CNTN3: variants seen among roughly 807,000 people sequenced by gnomAD.
CNTN3 encodes contactin 3.
Under a neutral mutation model 119.1 loss-of-function variants are expected in CNTN3, and 60 were observed. That is an observed-to-expected ratio of 0.50 (90% CI 0.41 to 0.62). The LOEUF is 0.62. CNTN3 is among the 20% of genes least tolerant of loss of function. The probability of loss-of-function intolerance (pLI) is 0.00; values close to 1 mark genes in which losing one functional copy is unlikely to be tolerated. For missense variants in CNTN3, 1,101 were observed against 1,242.4 expected (o/e 0.89, Z 1.71); for synonymous variants, 450 against 438.7 (o/e 1.03, Z -0.32).
At chr3:74,356,449 C>A (rs973843068) in intron 11 of CNTN3, among the ~76,000 whole-genome samples, 1 of 152,014 alleles carries the variant, frequency 6.6e-6, no homozygotes, top group African/African-American at 2.4e-5. Context: ...TTGTCCTGAT[C>A]CCTAATTTGG....
chr3:74,529,595 T>C (rs1703665556), intron 1 of CNTN3, among the ~76,000 whole-genome samples: 1 of 151,882 alleles, frequency 6.6e-6, no homozygotes, highest in Non-Finnish European at 1.5e-5. Context: ...GTCCCAGTAA[T>C]CTGCCACAAA....
At chr3:74,307,556 T>A (rs536124483) in intron 13 of CNTN3, among the ~76,000 whole-genome samples, 1 of 152,264 alleles carries the variant, frequency 6.6e-6, no homozygotes, top group African/African-American at 2.4e-5. Context: ...TCTTAGATGA[T>A]GACACTAATG....
rs1359175562 is a variant in CNTN3 at position 74,364,548 on chromosome 3, C to A, written c.1132G>T (p.Val378Leu). ...NGALTISNLS[V>L]TDSGMFQCIA... ...CATTGGAACATGCCAGAATCAGTCA[C>A]ACTTAGGTTTGATATTGTAAGGGCA... The change falls in exon 10 of 23, where the codon GTG (valine) becomes TTG (leucine). Residue 378 changes from valine (V) to leucine (L), a missense_variant. By Grantham distance (32) the Val-to-Leu change is conservative. Transcript: ENST00000263665. 9.9e-6 allele frequency: 16 copies of A among 1,611,618 alleles called. No homozygotes were observed. The highest frequency in any genetic ancestry group is 1.3e-5 in the Non-Finnish European group (15 of 1,178,226).
intron 12 of CNTN3, among the ~76,000 whole-genome samples, chr3:74,335,579 T>C (rs1457668573): frequency 8.5e-5 from 13 of 152,146 alleles, no homozygotes; most frequent in Non-Finnish European, 1.9e-4. Context: ...GAGTCATTTA[T>C]GCATGTTGTC....
intron 5 of CNTN3, among the ~76,000 whole-genome samples, chr3:74,414,091 A>G (rs1342213566): frequency 3.3e-5 from 5 of 152,226 alleles, no homozygotes; most frequent in African/African-American, 1.2e-4. Context: ...AGCACCCACC[A>G]GCTACTCCAC....
intron 13 of CNTN3, among the ~76,000 whole-genome samples, chr3:74,320,529 G>A (rs991680214): frequency 1.3e-5 from 2 of 152,066 alleles, no homozygotes; most frequent in Non-Finnish European, 2.9e-5. Flanking sequence ...GGGGTGGGGG[G>A]ACGTGGGAGG....
chr3:74,311,417 T>A (rs1381033958), intron 13 of CNTN3, among the ~76,000 whole-genome samples: 1 of 152,176 alleles, frequency 6.6e-6, no homozygotes, highest in Non-Finnish European at 1.5e-5. Context: ...AAAAAAAGGT[T>A]TATAAAATCA....
intron 5 of CNTN3, among the ~76,000 whole-genome samples, chr3:74,400,626 C>T (rs1414541523): frequency 6.6e-6 from 1 of 152,128 alleles, no homozygotes; most frequent in Admixed American, 6.6e-5. Flanking sequence ...AACTATGGCA[C>T]CATGACAAAG....
chr3:74,433,604 T>TC (rs1419821276), intron 4 of CNTN3, among the ~76,000 whole-genome samples: 3 of 152,152 alleles, frequency 2.0e-5, no homozygotes, highest in Non-Finnish European at 2.9e-5. Context: ...ACAAGACCTT[T>TC]CCACATAGGT....
intron 4 of CNTN3, among the ~76,000 whole-genome samples, chr3:74,441,419 T>C (rs1409826968): frequency 6.6e-6 from 1 of 152,136 alleles, no homozygotes; most frequent in African/African-American, 2.4e-5. Flanking sequence ...GTTTTCTTTA[T>C]AAGTTTTATC....
chr3:74,375,605 A>G (rs1040113936), intron 5 of CNTN3, among the ~76,000 whole-genome samples: 2 of 152,124 alleles, frequency 1.3e-5, no homozygotes, highest in African/African-American at 2.4e-5. Flanking sequence ...AGTAAGGGAA[A>G]AGGAAACGTG....
intron 13 of CNTN3, among the ~76,000 whole-genome samples, chr3:74,303,661 T>C (rs1238613945): frequency 2.0e-5 from 3 of 152,122 alleles, no homozygotes; most frequent in Non-Finnish European, 4.4e-5. Context: ...ATCACACCAC[T>C]GCACTCCAGC....
At chr3:74,549,296 C>T (rs917484121) in intron 1 of CNTN3, among the ~76,000 whole-genome samples, 7 of 152,262 alleles carry the variant, frequency 4.6e-5, no homozygotes, top group South Asian at 2.1e-4. Flanking sequence ...TTCGCCCTTC[C>T]GTCACGATTG....
At chr3:74,512,989 G>A (rs1035889279) in intron 2 of CNTN3, among the ~76,000 whole-genome samples, 1 of 152,102 alleles carries the variant, frequency 6.6e-6, no homozygotes, top group Admixed American at 6.6e-5. Flanking sequence ...GAGTGAAGAA[G>A]TCATGCAAGG....
At chr3:74,298,600 G>GAAAA (rs1702389046) in intron 17 of CNTN3, among the ~76,000 whole-genome samples, 6 of 115,088 alleles carry the variant, frequency 5.2e-5, no homozygotes, top group Admixed American at 9.0e-5. Context: ...AAGTAAAACT[G>GAAAA]GAAAAAAAAA....
At chr3:74,594,989 C>G (rs1404209893) in intron 1 of CNTN3, among the ~76,000 whole-genome samples, 1 of 152,014 alleles carries the variant, frequency 6.6e-6, no homozygotes, top group African/African-American at 2.4e-5. Context: ...GATCACCATT[C>G]TAACTGGCGT....
Position 74,404,422 on chromosome 3 carries a change from C to T in CNTN3, c.454+20423G>A, listed in dbSNP as rs199842705. Among the ~76,000 whole-genome samples, 11 of 152,152 alleles carry T rather than the reference C, an allele frequency of 7.2e-5. No individual in the cohort carries two copies. In the East Asian group the frequency reaches 1.5e-3, roughly 21 times the overall value. On this transcript the variant is annotated intron_variant, in intron 5 of 22. Coordinates refer to ENST00000263665, the MANE Select transcript of CNTN3 (RefSeq NM_020872.3). ...GTCTGTTACTCTGGTTTATCTAATT[C>T]GGGCACTTTGAACATACCAAATCAC... is the stretch of plus-strand genomic sequence containing the variant.
intron 22 of CNTN3, 133 bp from the exon 23 acceptor site, chr3:74,264,634 G>C: frequency 2.0e-6 from 1 of 501,974 alleles, no homozygotes; most frequent in Non-Finnish European, 3.5e-6. Context: ...AGAGTATTAG[G>C]AGGTGAGGGA....
chr3:74,306,742 C>T (rs528403934), intron 13 of CNTN3, among the ~76,000 whole-genome samples: 1 of 152,144 alleles, frequency 6.6e-6, no homozygotes, highest in East Asian at 1.9e-4. Context: ...GGATATGATC[C>T]TCTAAGTCAT....
Sources: allele counts gnomAD v4.1 joint callset (sites outside exome capture counted in the v4.1 genomes callset), GRCh38; gene constraint gnomAD v4.1.1; transcripts MANE v1.5; gene names NCBI Gene and HGNC (gene_info 2026-07-23, HGNC 2026-07-21).